Variants in EXOC6B observed in about 807,000 individuals in gnomAD.
EXOC6B encodes the protein exocyst complex component 6B, also known as SEC15 homolog B.
Under a neutral mutation model 113.5 loss-of-function variants are expected in EXOC6B, and 54 were observed. That is an observed-to-expected ratio of 0.48 (90% CI 0.38 to 0.60). The LOEUF (loss-of-function observed/expected upper bound fraction) is 0.60. Among genes scored for constraint, EXOC6B ranks in the 20% least tolerant of loss-of-function variants. The pLI, the probability that EXOC6B is intolerant of heterozygous loss-of-function variation, is 0.00. For missense variants in EXOC6B, 797 were observed against 977.5 expected (o/e 0.82, Z 2.46); for synonymous variants, 357 against 339.0 (o/e 1.05, Z -0.58).
At chr2:72,287,655 G>T (rs1427819213) in intron 20 of EXOC6B, among the ~76,000 whole-genome samples, 2 of 151,760 alleles carry the variant, frequency 1.3e-5, no homozygotes, top group Admixed American at 6.6e-5. Context: ...TATAATGAGA[G>T]AATATTATGA....
At chr2:72,506,798 C>T (rs553155634) in intron 11 of EXOC6B, among the ~76,000 whole-genome samples, 9 of 151,948 alleles carry the variant, frequency 5.9e-5, no homozygotes, top group African/African-American at 9.7e-5. Context: ...TATTTTATGA[C>T]TCTTGGCTAT....
intron 1 of EXOC6B, among the ~76,000 whole-genome samples, chr2:72,758,244 T>C (rs1222304633): frequency 1.3e-5 from 2 of 151,800 alleles, no homozygotes; most frequent in African/African-American, 4.8e-5. Flanking sequence ...AGCAGATTCC[T>C]AGATCCCTTC....
At chr2:72,602,165 G>C (rs972359544) in intron 6 of EXOC6B, among the ~76,000 whole-genome samples, 1 of 152,146 alleles carries the variant, frequency 6.6e-6, no homozygotes, top group Non-Finnish European at 1.5e-5. Flanking sequence ...AACATGAGAA[G>C]TTTGAAATAG....
intron 1 of EXOC6B, among the ~76,000 whole-genome samples, chr2:72,800,212 T>C (rs557560187): frequency 7.2e-5 from 11 of 152,372 alleles, no homozygotes; most frequent in Admixed American, 6.5e-4. Flanking sequence ...ATAGTTTTTA[T>C]TGATCACTTA....
chr2:72,600,650 T>A (rs1230024457), intron 6 of EXOC6B, among the ~76,000 whole-genome samples: 4 of 151,950 alleles, frequency 2.6e-5, no homozygotes, highest in Admixed American at 6.6e-5. Flanking sequence ...CCGGAAAGCC[T>A]CATGCAATAA....
intron 6 of EXOC6B, among the ~76,000 whole-genome samples, chr2:72,701,795 T>G (rs1678364782): frequency 6.6e-6 from 1 of 152,148 alleles, no homozygotes; most frequent in Admixed American, 6.6e-5. Flanking sequence ...CCAGAACATA[T>G]CTTAACCATC....
chr2:72,297,799 GT>G (rs1219774952), intron 20 of EXOC6B, among the ~76,000 whole-genome samples: 1 of 152,176 alleles, frequency 6.6e-6, no homozygotes, highest in Non-Finnish European at 1.5e-5. Flanking sequence ...TAGTTGTGCA[GT>G]TTTGAGTGAC....
intron 8 of EXOC6B, among the ~76,000 whole-genome samples, chr2:72,541,344 T>C (rs1573357258): frequency 6.6e-6 from 1 of 152,220 alleles, no homozygotes; most frequent in East Asian, 1.9e-4. Context: ...AAAGGACTAA[T>C]ACAGAATATG....
Position 72,514,617 on chromosome 2 carries a change from T to TATATATATAC in EXOC6B, c.1046+16_1046+17insGTATATATAT, listed in dbSNP as rs1553432054. 21 of 393,264 alleles carry TATATATATAC rather than the reference T, an allele frequency of 5.3e-5. No homozygotes were observed. The highest frequency in any genetic ancestry group is 2.2e-4 in the African/African-American group (10 of 44,712). 24.4% of individuals were successfully genotyped at this position (393,264 alleles called of 1,614,324 possible). A position where few individuals can be genotyped will look rare whatever the true frequency, so the allele number is the denominator to read the frequency against. The stretch of plus-strand genomic sequence containing the variant: ...AAATAAATAAATAAATATATATATA[T>TATATATATAC]ATATATATATACCTACCCTACAATT... On this transcript the variant is annotated intron_variant, in intron 10 of 21. Transcript: ENST00000272427.
intron 6 of EXOC6B, among the ~76,000 whole-genome samples, chr2:72,661,504 C>A (rs145288252): frequency 0.017 from 2,574 of 151,582 alleles, 68 homozygotes; most frequent in African/African-American, 0.057. Flanking sequence ...CCAAAAAATT[C>A]TAAAATCATT....
intron 20 of EXOC6B, among the ~76,000 whole-genome samples, chr2:72,254,808 A>C (rs897977872): frequency 6.6e-6 from 1 of 152,228 alleles, no homozygotes; most frequent in Non-Finnish European, 1.5e-5. Flanking sequence ...GTTGAGTAGA[A>C]AGTAGAGCTT....
At chr2:72,819,057 T>C (rs955538650) in intron 1 of EXOC6B, among the ~76,000 whole-genome samples, 2 of 152,226 alleles carry the variant, frequency 1.3e-5, no homozygotes, top group Non-Finnish European at 2.9e-5. Flanking sequence ...CTGCCTGCTG[T>C]ACCCCAGAGC....
At chr2:72,643,939 G>A (rs760764836) in intron 6 of EXOC6B, among the ~76,000 whole-genome samples, 1 of 152,066 alleles carries the variant, frequency 6.6e-6, no homozygotes, top group Non-Finnish European at 1.5e-5. Flanking sequence ...AAGCTGGATG[G>A]AGAATGACTT....
intron 6 of EXOC6B, among the ~76,000 whole-genome samples, chr2:72,621,840 G>A (rs957694092): frequency 1.3e-5 from 2 of 151,912 alleles, no homozygotes; most frequent in Non-Finnish European, 2.9e-5. Flanking sequence ...TCTCATCAAA[G>A]GAAGAGCTTG....
At chr2:72,481,601 T>A (rs952564392) in intron 16 of EXOC6B, among the ~76,000 whole-genome samples, 2 of 152,224 alleles carry the variant, frequency 1.3e-5, no homozygotes, top group African/African-American at 4.8e-5. Context: ...AGAAAGAACA[T>A]GGGCATCAAA....
chr2:72,233,462 G>A (rs1681758144), intron 20 of EXOC6B, among the ~76,000 whole-genome samples: 1 of 152,148 alleles, frequency 6.6e-6, no homozygotes, highest in South Asian at 2.1e-4. Flanking sequence ...GGGAGAGAGG[G>A]ACAGCCACCT....
intron 20 of EXOC6B, among the ~76,000 whole-genome samples, chr2:72,312,100 T>C (rs917029874): frequency 6.6e-6 from 1 of 152,202 alleles, no homozygotes; most frequent in African/African-American, 2.4e-5. Flanking sequence ...ACTGCTAAAT[T>C]AGCTGAACAT....
intron 20 of EXOC6B, among the ~76,000 whole-genome samples, chr2:72,207,679 G>T (rs571649024): frequency 1.3e-5 from 2 of 152,222 alleles, no homozygotes; most frequent in African/African-American, 4.8e-5. Context: ...CCCATTAGCA[G>T]GTATCACAGT....
At chr2:72,403,100 G>T (rs1312207165) in intron 18 of EXOC6B, among the ~76,000 whole-genome samples, 2 of 152,148 alleles carry the variant, frequency 1.3e-5, no homozygotes, top group Non-Finnish European at 2.9e-5. Context: ...TTTACCTCAG[G>T]TGAAAGATTA....
Sources: gnomAD v4.1 joint callset for allele counts (sites outside exome capture counted in the v4.1 genomes callset) on GRCh38, gnomAD v4.1.1 for gene constraint, MANE v1.5 for transcripts, NCBI Gene and HGNC (gene_info 2026-07-23, HGNC 2026-07-21) for gene names.